Variants in PRDM1 observed in about 807,000 individuals in gnomAD.
The protein encoded by PRDM1 is PR/SET domain 1.
Under a neutral mutation model 62.8 loss-of-function variants are expected in PRDM1, and 13 were observed. The ratio of observed to expected loss-of-function variants is 0.21; its 90% CI spans 0.13 to 0.33. The LOEUF (loss-of-function observed/expected upper bound fraction) is 0.33. Among genes scored for constraint, PRDM1 ranks in the 10% least tolerant of loss-of-function variants. The pLI is 1.00. For missense variants in PRDM1, 895 were observed against 1,058.8 expected (o/e 0.85, Z 2.15); for synonymous variants, 396 against 417.6 (o/e 0.95, Z 0.63).
At chr6:106,017,582 G>A (rs1216096090) in intron 1 of PRDM1, among the ~76,000 whole-genome samples, 16 of 152,216 alleles carry the variant, frequency 1.1e-4, no homozygotes, top group Admixed American at 1.0e-3. Flanking sequence ...CAGAGGTGGG[G>A]TTTTGGGTAA....
chr6:106,036,410 A>G (rs559435518), intron 1 of PRDM1, among the ~76,000 whole-genome samples: 1 of 152,236 alleles, frequency 6.6e-6, no homozygotes, highest in South Asian at 2.1e-4. Context: ...ATTTGCATTT[A>G]TTTGTATATT....
At chr6:106,103,696 A>T (rs1447793224) in intron 4 of PRDM1, among the ~76,000 whole-genome samples, 3 of 152,230 alleles carry the variant, frequency 2.0e-5, no homozygotes. Flanking sequence ...GGGATAGTCT[A>T]GAACTGTCCT....
intron 2 of PRDM1, among the ~76,000 whole-genome samples, chr6:106,090,911 A>G (rs1215370796): frequency 6.6e-6 from 1 of 151,372 alleles, no homozygotes; most frequent in Non-Finnish European, 1.5e-5. Flanking sequence ...AACAAAACAT[A>G]CAAATCATAT....
At position 106,105,144 on chromosome 6, in the gene PRDM1, C is replaced by T. The variant is rs542551556; in HGVS notation, c.984C>T (p.Pro328=). 1.2e-6 allele frequency: 2 copies of T among 1,613,130 alleles called. No homozygotes were observed. The highest frequency in any genetic ancestry group is 8.5e-7 in the Non-Finnish European group (1 of 1,179,612). ...IERPTYITRS[P]IPSSTTPSPS... ...GACCCACGTACATCACTCGCTCCCC[C>T]ATTCCATCCTCCACCACTCCAAGCC... The change falls in exon 5 of 7, where the codon CCC becomes CCT. Residue 328 remains proline (P), a synonymous_variant. Coordinates refer to ENST00000369096, the MANE Select transcript of PRDM1 (RefSeq NM_001198.4).
intron 1 of PRDM1, among the ~76,000 whole-genome samples, chr6:106,055,326 A>T (rs1461883479): frequency 6.6e-6 from 1 of 152,180 alleles, no homozygotes; most frequent in East Asian, 1.9e-4. Flanking sequence ...AAATCTGATC[A>T]TTACTTTGGG....
chr6:106,099,124 T>TCCG (rs1436311961), intron 3 of PRDM1, 176 bp from the exon 4 acceptor site: 2 of 1,612,356 alleles, frequency 1.2e-6, no homozygotes, highest in Non-Finnish European at 1.7e-6. Flanking sequence ...CTTACCTGTT[T>TCCG]CCGCCCTGAT....
intron 1 of PRDM1, among the ~76,000 whole-genome samples, chr6:106,055,910 T>C (rs527292482): frequency 2.0e-5 from 3 of 152,268 alleles, no homozygotes; most frequent in East Asian, 1.9e-4. Context: ...CTTGCAAATA[T>C]GAATTAAGTA....
chr6:106,071,090 G>A (rs1247348457), intron 1 of PRDM1, among the ~76,000 whole-genome samples: 2 of 152,138 alleles, frequency 1.3e-5, no homozygotes, highest in Non-Finnish European at 2.9e-5. Flanking sequence ...GGCCAACATG[G>A]TGAAACCCTG....
chr6:106,075,551 G>T (rs1420616145), intron 1 of PRDM1, among the ~76,000 whole-genome samples: 1 of 152,140 alleles, frequency 6.6e-6, no homozygotes, highest in African/African-American at 2.4e-5. Context: ...TCTCTTCCCT[G>T]GCCCTCAGGG....
chr6:106,052,546 G>A (rs186791182), intron 1 of PRDM1, among the ~76,000 whole-genome samples: 94 of 152,154 alleles, frequency 6.2e-4, no homozygotes, highest in Admixed American at 5.5e-3. Context: ...AATATCTAGC[G>A]TATTAAATTA....
Position 106,007,356 on chromosome 6 carries a change from G to A in PRDM1, c.-67+13717G>A, listed in dbSNP as rs1048858163. 2.0e-5 allele frequency among the ~76,000 whole-genome samples: 3 copies of A among 151,800 alleles called. 1 individual carries two copies. Among genetic ancestry groups the A allele is most frequent in the African/African-American group, 4.8e-5 (2 of 41,370 alleles). ...GAGGCAGGAGAATTGCTTGAACCTG[G>A]GAGGTGGAGGTTGCAGTGAGCCGAG... On this transcript the variant is annotated intron_variant, in intron 1 of 6. Coordinates refer to the PRDM1 transcript ENST00000652320.
chr6:106,012,230 CCATT>C (rs1772566334), intron 1 of PRDM1, among the ~76,000 whole-genome samples: 1 of 140,866 alleles, frequency 7.1e-6, no homozygotes, highest in African/African-American at 2.6e-5. Context: ...TTCACACACA[CCATT>C]CACACAAACA....
intron 3 of PRDM1, chr6:106,098,812 G>A (rs1311400542): frequency 7.9e-6 from 12 of 1,516,168 alleles, no homozygotes; most frequent in Non-Finnish European, 1.1e-5. Flanking sequence ...AGCCTTGGGC[G>A]GGGGTGTAGG....
At chr6:106,008,857 T>G (rs924800450) in intron 1 of PRDM1, among the ~76,000 whole-genome samples, 1 of 152,234 alleles carries the variant, frequency 6.6e-6, no homozygotes. Context: ...TGTATTCTCC[T>G]GTCTCCAGTA....
chr6:106,099,612 G>T, intron 4 of PRDM1, 60 bp downstream of exon 4: 1 of 1,586,358 alleles, frequency 6.3e-7, no homozygotes, highest in South Asian at 1.1e-5. Flanking sequence ...CTGCCCCTTT[G>T]AACTAATAAC....
intron 1 of PRDM1, among the ~76,000 whole-genome samples, chr6:106,040,939 A>G (rs1357610599): frequency 6.6e-6 from 1 of 152,202 alleles, no homozygotes; most frequent in Non-Finnish European, 1.5e-5. Flanking sequence ...ATTCAATGCT[A>G]TGTTTGACTA....
intron 1 of PRDM1, among the ~76,000 whole-genome samples, chr6:106,057,097 GT>G (rs1773279164): frequency 1.3e-5 from 2 of 152,198 alleles, no homozygotes; most frequent in African/African-American, 4.8e-5. Context: ...TGTATTTCCT[GT>G]TTTAATTAGA....
chr6:106,032,041 C>A (rs1301791061), intron 1 of PRDM1, among the ~76,000 whole-genome samples: 6 of 152,128 alleles, frequency 3.9e-5, no homozygotes, highest in African/African-American at 1.4e-4. Context: ...GAAGATGATG[C>A]CTTACCCACA....
intron 1 of PRDM1, among the ~76,000 whole-genome samples, chr6:106,026,994 G>T (rs570534116): frequency 6.6e-6 from 1 of 152,152 alleles, no homozygotes; most frequent in South Asian, 2.1e-4. Flanking sequence ...ATTGCCTACC[G>T]CAACTTGCAT....
Sources: allele counts gnomAD v4.1 joint callset (sites outside exome capture counted in the v4.1 genomes callset), GRCh38; gene constraint gnomAD v4.1.1; transcripts MANE v1.5; gene names NCBI Gene and HGNC (gene_info 2026-07-23, HGNC 2026-07-21).